TBC1D4: variants seen among roughly 807,000 people sequenced by gnomAD.
TBC1D4 encodes TBC (Tre-2, BUB2, CDC16) domain-containing protein.
A neutral mutation model predicts 142.5 loss-of-function variants in TBC1D4; 121 were observed. The ratio of observed to expected loss-of-function variants is 0.85; its 90% CI spans 0.73 to 0.99. TBC1D4 has a LOEUF of 0.99. Ranked by LOEUF, TBC1D4 falls within the 50% of genes least tolerant of loss-of-function variation. The pLI is 0.00. For synonymous variants in TBC1D4, 630 were observed against 628.2 expected (o/e 1.00, Z -0.04); for missense variants, 1,475 against 1,606.6 (o/e 0.92, Z 1.40).
At chr13:75,336,311 C>T (rs533248978) in intron 8 of TBC1D4, among the ~76,000 whole-genome samples, 1 of 152,014 alleles carries the variant, frequency 6.6e-6, no homozygotes, top group East Asian at 1.9e-4. Flanking sequence ...GCAGAAGAAT[C>T]GCTTGAACCC....
At chr13:75,303,881 C>T (rs974487433) in intron 15 of TBC1D4, among the ~76,000 whole-genome samples, 14 of 152,150 alleles carry the variant, frequency 9.2e-5, no homozygotes, top group African/African-American at 2.2e-4. Flanking sequence ...TCCAAGCTCC[C>T]TCGCTTGACT....
rs1593885566 is a variant in TBC1D4, at chr13:75,302,592, A to G, written c.2753-191T>C. On this transcript the variant is annotated intron_variant, in intron 15 of 20. Transcript: ENST00000377636. Reference sequence around the variant, plus strand: ...CCTATAGCTCTTGATGCCTTGCAAAAGAAAACCCTCACGCAACACTTACGA... The same window carrying G: ...CCTATAGCTCTTGATGCCTTGCAAAGGAAAACCCTCACGCAACACTTACGA... 32 of 647,048 alleles carry G rather than the reference A, an allele frequency of 4.9e-5. No individual in the cohort carries two copies. In the East Asian group the frequency reaches 8.8e-4, roughly 18 times the overall value. 40.1% of individuals were successfully genotyped at this position (647,048 alleles called of 1,614,324 possible).
At chr13:75,413,411 C>A (rs187804699) in intron 1 of TBC1D4, among the ~76,000 whole-genome samples, 32 of 152,296 alleles carry the variant, frequency 2.1e-4, no homozygotes, top group African/African-American at 7.7e-4. Flanking sequence ...CTGCCTGCCT[C>A]GGTCTCCCAA....
chr13:75,347,878 G>C (rs147247072), intron 5 of TBC1D4, among the ~76,000 whole-genome samples: 1 of 152,208 alleles, frequency 6.6e-6, no homozygotes, highest in Non-Finnish European at 1.5e-5. Context: ...GCTCATGCCT[G>C]TAATCTCAGC....
At chr13:75,300,768 G>A (rs1477719768) in intron 16 of TBC1D4, among the ~76,000 whole-genome samples, 1 of 151,904 alleles carries the variant, frequency 6.6e-6, no homozygotes, top group Non-Finnish European at 1.5e-5. Flanking sequence ...CTCTTTAATA[G>A]GACATCGTGA....
rs1296133680 is a variant in TBC1D4, at chr13:75,409,616, T to G, written c.499-47009A>C. Among the ~76,000 whole-genome samples, 5 of 152,324 alleles carry G rather than the reference T, an allele frequency of 3.3e-5. No individual in the cohort carries two copies. The East Asian group carries it at 9.6e-4, about 29-fold the overall frequency. ...GTTCATTCCACAGTTTGATGCAGAT[T>G]GACCCTTGGTGAAACTTCACAGTAA... On this transcript the variant is annotated intron_variant, in intron 1 of 20. Transcript: ENST00000377636.
At chr13:75,430,211 A>G (rs1188736169) in intron 1 of TBC1D4, among the ~76,000 whole-genome samples, 1 of 152,192 alleles carries the variant, frequency 6.6e-6, no homozygotes, top group Non-Finnish European at 1.5e-5. Flanking sequence ...AATTTATAAA[A>G]TTTACTCTAT....
At chr13:75,441,670 A>G (rs2138200444) in intron 1 of TBC1D4, among the ~76,000 whole-genome samples, 1 of 152,356 alleles carries the variant, frequency 6.6e-6, no homozygotes, top group East Asian at 1.9e-4. Flanking sequence ...TGGAAAACTA[A>G]GTAGTCATAA....
At chr13:75,306,622 A>G in intron 14 of TBC1D4, 151 bp from the exon 15 acceptor site, 2 of 892,200 alleles carry the variant, frequency 2.2e-6, no homozygotes, top group Non-Finnish European at 3.4e-6. Context: ...AATTGAGGAT[A>G]CATGAAAGGG....
rs1413293804 is a variant in TBC1D4, at chr13:75,462,437, AC to A, written c.498+18832del. 2.0e-5 allele frequency among the ~76,000 whole-genome samples: 3 copies of A among 152,262 alleles called. No homozygotes were observed. The East Asian group carries it at 5.8e-4, about 29-fold the overall frequency. On this transcript the variant is annotated intron_variant, in intron 1 of 20. Transcript: ENST00000377636. Reference sequence around the variant, plus strand: ...TGCTTTCTGGGGAAGTCAAGTCAGAACTTTATCTCTTACTAGGTAGAAGAGT... The same window carrying A: ...TGCTTTCTGGGGAAGTCAAGTCAGAATTTATCTCTTACTAGGTAGAAGAGT...
At chr13:75,420,238 G>A (rs1434508767) in intron 1 of TBC1D4, among the ~76,000 whole-genome samples, 1 of 152,122 alleles carries the variant, frequency 6.6e-6, no homozygotes, top group African/African-American at 2.4e-5. Context: ...AATGGACAAA[G>A]GACATCTCTT....
chr13:75,429,016 C>A (rs1886488624), intron 1 of TBC1D4, among the ~76,000 whole-genome samples: 1 of 152,186 alleles, frequency 6.6e-6, no homozygotes, highest in Non-Finnish European at 1.5e-5. Flanking sequence ...AATCACCTGA[C>A]CACCACAAAT....
intron 1 of TBC1D4, among the ~76,000 whole-genome samples, chr13:75,441,390 C>A (rs751912053): frequency 4.6e-5 from 7 of 151,936 alleles, no homozygotes; most frequent in Non-Finnish European, 8.8e-5. Context: ...CATCTGGAAA[C>A]CATATCTTCA....
chr13:75,365,330 C>T (rs910620191), intron 1 of TBC1D4, among the ~76,000 whole-genome samples: 3 of 144,608 alleles, frequency 2.1e-5, no homozygotes, highest in African/African-American at 5.6e-5. Context: ...AACAACAGCT[C>T]TGTTTTTTTT....
At chr13:75,480,044 C>CAAAA (rs1219620258) in intron 1 of TBC1D4, among the ~76,000 whole-genome samples, 5 of 151,004 alleles carry the variant, frequency 3.3e-5, no homozygotes, top group East Asian at 3.9e-4. Flanking sequence ...AAAAAAAAAA[C>CAAAA]CTATTTTTCA....
rs116405696 is a variant in TBC1D4 at position 75,300,604 on chromosome 13, A to G, written c.2912-1030T>C. Among the ~76,000 whole-genome samples, 515 of 152,352 alleles carry G rather than the reference A, an allele frequency of 3.4e-3. 3 individuals carry two copies. The highest frequency in any genetic ancestry group is 0.012 in the African/African-American group (487 of 41,586). ...ACAATTGCATGCTGAAGAAACACAG[A>G]TGGCTACAAGCAGAGCCAAATAAGC... On this transcript the variant is annotated intron_variant, in intron 16 of 20. Transcript: ENST00000377636.
chr13:75,347,543 T>A (rs948949543), intron 5 of TBC1D4, among the ~76,000 whole-genome samples: 8 of 152,244 alleles, frequency 5.3e-5, no homozygotes, highest in Non-Finnish European at 1.2e-4. Flanking sequence ...CTTCAAGAAA[T>A]AAGAATACTC....
At chr13:75,439,485 G>A (rs904573133) in intron 1 of TBC1D4, among the ~76,000 whole-genome samples, 1 of 152,148 alleles carries the variant, frequency 6.6e-6, no homozygotes, top group African/African-American at 2.4e-5. Flanking sequence ...GCTATCCAGA[G>A]TATTTAACAG....
intron 1 of TBC1D4, among the ~76,000 whole-genome samples, chr13:75,367,409 T>C (rs906564612): frequency 6.6e-6 from 1 of 151,986 alleles, no homozygotes; most frequent in Non-Finnish European, 1.5e-5. Flanking sequence ...TCCTAAAACA[T>C]ATTTAAACAA....
Sources: gnomAD v4.1 joint callset for allele counts (sites outside exome capture counted in the v4.1 genomes callset) on GRCh38, gnomAD v4.1.1 for gene constraint, MANE v1.5 for transcripts, NCBI Gene and HGNC (gene_info 2026-07-23, HGNC 2026-07-21) for gene names.